Variants in DEFB119 observed in about 807,000 individuals in gnomAD.
DEFB119 encodes the protein beta-defensin 119.
DEFB119 carries 3 observed loss-of-function variants against 2.5 expected under a neutral mutation model. The ratio of observed to expected loss-of-function variants is 1.19; its 90% confidence interval spans 0.54 to 3.07. The LOEUF is 3.07. DEFB119 is among the 30% of genes most tolerant of loss of function. The probability of loss-of-function intolerance (pLI) is 0.03; values close to 1 mark genes in which losing one functional copy is unlikely to be tolerated. For missense variants in DEFB119, 113 were observed against 101.1 expected (o/e 1.12, Z -0.50); for synonymous variants, 29 against 33.7 (o/e 0.86, Z 0.48).
intron 1 of DEFB119, among the ~76,000 whole-genome samples, chr20:31,381,225 T>C (rs1429163182): frequency 6.6e-6 from 1 of 152,260 alleles, no homozygotes. Context: ...TTCATTGCTA[T>C]TATATAGAAA....
rs1411337088 is a variant in DEFB119, at chr20:31,377,340, G to A, written c.161C>T (p.Ser54Phe). The change falls in exon 2 of 2, where the codon TCC becomes TTC. Residue 54 changes from serine to phenylalanine, a missense_variant. Physicochemically the swap from Ser to Phe is radical, Grantham distance 155. Coordinates refer to ENST00000376321, the MANE Select transcript of DEFB119 (RefSeq NM_153289.4). ...CCTCATGTAGGACTGGAGGCAGCAG[G>A]ACTGACAATTTCTGCAATAGAGGTA... The part of the protein sequence containing the change: ...QPYLYCRNCQ[S>F]CCLQSYMRIS... 1.2e-6 allele frequency: 2 copies of A among 1,614,052 alleles called. No homozygotes were observed. Among genetic ancestry groups the A allele is most frequent in the Admixed American group, 1.7e-5 (1 of 60,002 alleles).
Position 31,390,547 on chromosome 20 carries a change from G to T in DEFB119, c.-64C>A. The T allele has an allele frequency of 6.7e-7, 1 of 1,498,718 alleles. No homozygotes were observed. The highest frequency in any genetic ancestry group is 9.2e-7 in the Non-Finnish European group (1 of 1,083,362). 92.8% of individuals were successfully genotyped at this position (1,498,718 alleles called of 1,614,324 possible). ...GGGGAAGGAAATAGGGTTCCCTGCA[G>T]CACGGCAGAGATGAGCTTTGCTTTT... is the stretch of plus-strand genomic sequence containing the variant. On this transcript the variant is annotated 5_prime_UTR_variant, in exon 1 of 2. It adds an upstream start codon to the 5' untranslated region. Coordinates refer to ENST00000376321, the MANE Select transcript of DEFB119 (RefSeq NM_153289.4).
chr20:31,388,064 CTG>C, intron 1 of DEFB119: 2 of 985,436 alleles, frequency 2.0e-6, no homozygotes, highest in Non-Finnish European at 2.4e-6. Flanking sequence ...GAAAAACTAA[CTG>C]TGTTGGTTAA....
intron 1 of DEFB119, among the ~76,000 whole-genome samples, chr20:31,387,266 C>A (rs1242466368): frequency 6.6e-6 from 1 of 152,070 alleles, no homozygotes; most frequent in Non-Finnish European, 1.5e-5. Flanking sequence ...TAAATATGTG[C>A]AATTATTATT....
At chr20:31,378,156 G>T (rs1452118318) in intron 1 of DEFB119, among the ~76,000 whole-genome samples, 3 of 152,182 alleles carry the variant, frequency 2.0e-5, no homozygotes, top group Non-Finnish European at 4.4e-5. Flanking sequence ...TGGGAAGAAG[G>T]CATCCCTCCC....
At chr20:31,378,618 A>G (rs1346346573) in intron 1 of DEFB119, among the ~76,000 whole-genome samples, 2 of 152,222 alleles carry the variant, frequency 1.3e-5, no homozygotes, top group African/African-American at 4.8e-5. Context: ...ATTCCACAGT[A>G]TAAATGTAGT....
chr20:31,377,170 G>A lies in DEFB119; in HGVS notation c.*76C>T. ...GACCAAAGACAGACAAGGGTAGCAG[G>A]CACATGAATTTTAATGAGGGGGGTT... On this transcript the variant is annotated 3_prime_UTR_variant, in exon 2 of 2. Coordinates refer to ENST00000376321, the MANE Select transcript of DEFB119 (RefSeq NM_153289.4). 2.8e-6 allele frequency: 4 copies of A among 1,418,156 alleles called. No homozygotes were observed. Among genetic ancestry groups the A allele is most frequent in the Non-Finnish European group, 3.8e-6 (4 of 1,046,730 alleles). The allele number at this position is 1,418,156 out of a possible 1,614,324, so 87.8% of individuals were successfully genotyped here. A position where few individuals can be genotyped will look rare whatever the true frequency, so the allele number is the denominator to read the frequency against.
chr20:31,386,542 G>A (rs1233481910), intron 1 of DEFB119, among the ~76,000 whole-genome samples: 1 of 152,184 alleles, frequency 6.6e-6, no homozygotes, highest in Non-Finnish European at 1.5e-5. Context: ...GATGTTAAGT[G>A]AAATAAACCA....
At position 31,385,374 on chromosome 20, in the gene DEFB119, C is replaced by CAAAAAAA. The variant is rs539118665; in HGVS notation, c.61+5042_61+5048dup. On this transcript the variant is annotated intron_variant, in intron 1 of 1. Transcript: ENST00000376321. ...AAGAAACAAGACAAATAACAAAAGA[C>CAAAAAAA]AAAAAAAAAAAAAAAAAACACAGTT... is the stretch of plus-strand genomic sequence containing the variant. Among the ~76,000 whole-genome samples, 22 of 115,760 alleles carry CAAAAAAA rather than the reference C, an allele frequency of 1.9e-4. 1 individual carries two copies. Among genetic ancestry groups the CAAAAAAA allele is most frequent in the Admixed American group, 1.9e-4 (2 of 10,682 alleles). The allele number at this position is 115,760 out of a possible 152,430, so 75.9% of individuals were successfully genotyped here.
chr20:31,377,482 G>T, intron 1 of DEFB119, 43 bp from the exon 2 acceptor site: 7 of 1,578,762 alleles, frequency 4.4e-6, no homozygotes, highest in Non-Finnish European at 6.0e-6. Context: ...TCACCTAGGA[G>T]TGACATAAAT....
At chr20:31,381,911 T>C (rs1380102760) in intron 1 of DEFB119, among the ~76,000 whole-genome samples, 3 of 152,096 alleles carry the variant, frequency 2.0e-5, no homozygotes, top group Admixed American at 6.6e-5. Context: ...GACAAAGCTA[T>C]AGAGATGGGA....
At chr20:31,378,729 T>C (rs77241905) in intron 1 of DEFB119, among the ~76,000 whole-genome samples, 3,871 of 152,276 alleles carry the variant, frequency 0.025, 91 homozygotes, top group Non-Finnish European at 0.035. Flanking sequence ...GTTTCTTTAT[T>C]TAACAACTTC....
At chr20:31,387,103 A>T (rs1055360860) in intron 1 of DEFB119, among the ~76,000 whole-genome samples, 1 of 152,090 alleles carries the variant, frequency 6.6e-6, no homozygotes, top group Non-Finnish European at 1.5e-5. Flanking sequence ...CACCGCACCC[A>T]GCCTATTGTG....
chr20:31,377,286 G>A lies in DEFB119; in HGVS notation c.215C>T (p.Thr72Ile), dbSNP rs1347701267. Residue 72 changes from threonine (T) to isoleucine (I), a missense_variant, in exon 2 of 2, where the codon ACC becomes ATC. Transcript: ENST00000376321. ...RISISGKEENTDWSYEKQWPR... is the reference protein window; with the variant it reads ...RISISGKEENIDWSYEKQWPR... ...CCACTGCTTCTCATAAGACCAGTCG[G>A]TATTTTCCTCTTTGCCAGAAATGCT... 1.9e-6 allele frequency: 3 copies of A among 1,613,872 alleles called. No individual in the cohort carries two copies. Among genetic ancestry groups the A allele is most frequent in the Non-Finnish European group, 2.5e-6 (3 of 1,179,970 alleles).
intron 1 of DEFB119, among the ~76,000 whole-genome samples, chr20:31,378,093 A>G (rs977021013): frequency 6.6e-6 from 1 of 152,188 alleles, no homozygotes; most frequent in Admixed American, 6.5e-5. Flanking sequence ...GCCCATCACC[A>G]CCATGCAGTG....
intron 1 of DEFB119, chr20:31,387,975 G>C (rs746744528): frequency 1.3e-6 from 1 of 787,046 alleles, no homozygotes; most frequent in Non-Finnish European, 1.5e-6. Context: ...AACTCCTTCT[G>C]TCTGTCTCTA....
Position 31,388,085 on chromosome 20 carries a change from C to T in DEFB119, c.61+2338G>A, listed in dbSNP as rs117827450. 6 of 985,364 alleles carry T rather than the reference C, an allele frequency of 6.1e-6. No individual in the cohort carries two copies. The East Asian group carries it at 5.7e-4, about 93-fold the overall frequency. The allele number at this position is 985,364 out of a possible 1,614,324, so 61.0% of individuals were successfully genotyped here. On this transcript the variant is annotated intron_variant, in intron 1 of 1. Coordinates refer to ENST00000376321, the MANE Select transcript of DEFB119 (RefSeq NM_153289.4). Reference sequence around the variant, plus strand: ...CTAACTGTGTTGGTTAAATGGGGCCCAGAGAATAGGACTTGAGAATAAAGT... The same window carrying T: ...CTAACTGTGTTGGTTAAATGGGGCCTAGAGAATAGGACTTGAGAATAAAGT...
Position 31,377,449 on chromosome 20 carries a change from G to A in DEFB119, c.62-10C>T. The A allele has an allele frequency of 5.0e-6, 8 of 1,595,502 alleles. No individual in the cohort carries two copies. The Admixed American group carries it at 5.4e-5, about 11-fold the overall frequency. The stretch of plus-strand genomic sequence containing the variant: ...AGGATGTGGCGTTTGCCTGCCAAAG[G>A]AAAAAAAATACAAATAGTTAATTCA... On this transcript the variant is annotated splice_polypyrimidine_tract_variant and intron_variant, in intron 1 of 1. Coordinates refer to ENST00000376321, the MANE Select transcript of DEFB119 (RefSeq NM_153289.4).
At chr20:31,386,129 A>G (rs187758443) in intron 1 of DEFB119, among the ~76,000 whole-genome samples, 11,965 of 152,178 alleles carry the variant, frequency 0.079, 563 homozygotes, top group Non-Finnish European at 0.11. Flanking sequence ...GAGGGCTTTG[A>G]ATGTCTGGAC....
Sources: allele counts gnomAD v4.1 joint callset (sites outside exome capture counted in the v4.1 genomes callset), GRCh38; gene constraint gnomAD v4.1.1; transcripts MANE v1.5; gene names NCBI Gene and HGNC (gene_info 2026-07-23, HGNC 2026-07-21).